Variants in TCP11L1 observed in about 807,000 individuals in gnomAD.
TCP11L1 encodes T-complex protein 11-like protein 1.
A neutral mutation model predicts 48.9 loss-of-function variants in TCP11L1; 28 were observed. The observed-to-expected ratio is 0.57, with a 90% CI of 0.42 to 0.78. The LOEUF is 0.78. Ranked by LOEUF, TCP11L1 falls within the 30% of genes least tolerant of loss-of-function variation. The probability of loss-of-function intolerance (pLI) is 0.00; values close to 1 mark genes in which losing one functional copy is unlikely to be tolerated. For synonymous variants in TCP11L1, 204 were observed against 231.9 expected (o/e 0.88, Z 1.09); for missense variants, 505 against 613.4 (o/e 0.82, Z 1.87).
intron 2 of TCP11L1, among the ~76,000 whole-genome samples, chr11:33,046,330 G>A (rs534012718): frequency 2.0e-5 from 3 of 152,380 alleles, no homozygotes; most frequent in Admixed American, 6.5e-5. Context: ...TTCTTTGGTT[G>A]ATGGCTTCGC....
Position 33,065,832 on chromosome 11 carries a change from A to T in TCP11L1, c.975A>T (p.Thr325=). ...ATGGCCTCTTCTATTCATTACAGAC[A>T]GTTTTAATGGACCAGTCTCGCTTCC... The part of the protein sequence containing the change: ...WDHLQRPFPE[T]VLMDQSRFHE... The change falls in exon 8 of 10, where the codon ACA becomes ACT. Residue 325 remains threonine, a splice_region_variant and synonymous_variant. Coordinates refer to ENST00000334274, the MANE Select transcript of TCP11L1 (RefSeq NM_018393.4). The T allele has an allele frequency of 6.2e-7, 1 of 1,613,612 alleles. No homozygotes were observed. The highest frequency in any genetic ancestry group is 8.5e-7 in the Non-Finnish European group (1 of 1,179,676).
chr11:33,041,522 G>A (rs1034624541), intron 1 of TCP11L1, among the ~76,000 whole-genome samples: 3 of 152,006 alleles, frequency 2.0e-5, no homozygotes, highest in South Asian at 2.1e-4. Context: ...AGGCTGAGGC[G>A]GGCGGATCAC....
chr11:33,043,849 G>C lies in TCP11L1; in HGVS notation c.76G>C (p.Glu26Gln). 2 of 1,613,984 alleles carry C rather than the reference G, an allele frequency of 1.2e-6. No homozygotes were observed. Among genetic ancestry groups the C allele is most frequent in the Non-Finnish European group, 1.7e-6 (2 of 1,179,942 alleles). The change falls in exon 2 of 10, where the codon GAA (glutamate) becomes CAA (glutamine). Residue 26 changes from glutamate (E) to glutamine (Q), a missense_variant. By Grantham distance (29) the Glu-to-Gln change is conservative. Around this residue, in one of 3 missense-constraint regions of TCP11L1, gnomAD observed 168 missense variants for 183.5 expected, o/e 0.92. Coordinates refer to ENST00000334274, the MANE Select transcript of TCP11L1 (RefSeq NM_018393.4). The part of the protein sequence containing the change: ...SKSNDSEEGL[E>Q]DAVEGADEAL... ...ATCCAATGATTCTGAGGAAGGCCTC[G>C]AAGATGCTGTGGAAGGTGCTGATGA...
At chr11:33,055,093 ACT>A (rs1854272709) in intron 3 of TCP11L1, among the ~76,000 whole-genome samples, 1 of 152,134 alleles carries the variant, frequency 6.6e-6, no homozygotes, top group African/African-American at 2.4e-5. Context: ...TGAATCAAAA[ACT>A]CTATTGGTTG....
intron 6 of TCP11L1, among the ~76,000 whole-genome samples, 197 bp from the exon 7 acceptor site, chr11:33,061,333 C>T (rs1854459894): frequency 6.6e-6 from 1 of 152,178 alleles, no homozygotes; most frequent in South Asian, 2.1e-4. Flanking sequence ...GCATCTGAAA[C>T]TCAGACACAT....
chr11:33,047,794 C>A (rs569493580), intron 2 of TCP11L1, among the ~76,000 whole-genome samples: 1 of 152,312 alleles, frequency 6.6e-6, no homozygotes, highest in South Asian at 2.1e-4. Context: ...AATTAACAAG[C>A]AGTTTCCAAC....
intron 1 of TCP11L1, among the ~76,000 whole-genome samples, chr11:33,042,939 G>T (rs571870815): frequency 8.5e-4 from 129 of 152,300 alleles, no homozygotes; most frequent in African/African-American, 3.0e-3. Flanking sequence ...GGTGGTGGGC[G>T]CCTATAATCC....
At chr11:33,059,841 G>T (rs142546115) in intron 6 of TCP11L1, among the ~76,000 whole-genome samples, 1 of 152,168 alleles carries the variant, frequency 6.6e-6, no homozygotes, top group Admixed American at 6.5e-5. Context: ...TGCTGGGGCC[G>T]GGGCAGGTTG....
chr11:33,054,690 C>CT lies in TCP11L1; in HGVS notation c.264dup (p.Gln89SerfsTer3). The CT allele has an allele frequency of 6.2e-7, 1 of 1,613,908 alleles. No individual in the cohort carries two copies. Among genetic ancestry groups the CT allele is most frequent in the Non-Finnish European group, 8.5e-7 (1 of 1,179,902 alleles). ...CCCATGAAATTGTAGTAAATGGAGA[C>CT]TTTCAGATTAAACCAGTTGAATTAC... On this transcript the variant is annotated frameshift_variant, in exon 3 of 10. Coordinates refer to ENST00000334274, the MANE Select transcript of TCP11L1 (RefSeq NM_018393.4). LOFTEE classifies it high-confidence loss of function.
chr11:33,072,133 C>T (rs1381175568), intron 9 of TCP11L1, among the ~76,000 whole-genome samples: 1 of 152,016 alleles, frequency 6.6e-6, no homozygotes, highest in African/African-American at 2.4e-5. Flanking sequence ...CGTGAGCCAC[C>T]GCGCCTGGCC....
At chr11:33,069,890 G>A (rs749100910) in intron 9 of TCP11L1, among the ~76,000 whole-genome samples, 2 of 152,144 alleles carry the variant, frequency 1.3e-5, no homozygotes, top group Admixed American at 6.5e-5. Flanking sequence ...TAACAGGCAC[G>A]AACCACTGCA....
rs536213370 is a variant in TCP11L1, at chr11:33,049,877, G to A, written c.164-4716G>A. 2.0e-5 allele frequency among the ~76,000 whole-genome samples: 3 copies of A among 152,250 alleles called. No homozygotes were observed. In the South Asian group the frequency reaches 6.2e-4, roughly 32 times the overall value. ...CAGACCCTTTACAGGTGTTGGGCTG[G>A]GGGATGATCAGGTCTTTCCCTTCCC... On this transcript the variant is annotated intron_variant, in intron 2 of 9. Coordinates refer to ENST00000334274, the MANE Select transcript of TCP11L1 (RefSeq NM_018393.4).
rs1854838472 is a variant in TCP11L1, at chr11:33,072,907, T to G, written c.*231T>G. 5 of 546,972 alleles carry G rather than the reference T, an allele frequency of 9.1e-6. 1 individual carries two copies. In the South Asian group the frequency reaches 1.0e-4, roughly 11 times the overall value. 33.9% of individuals were successfully genotyped at this position (546,972 alleles called of 1,614,324 possible). On this transcript the variant is annotated 3_prime_UTR_variant, in exon 10 of 10. Coordinates refer to ENST00000334274, the MANE Select transcript of TCP11L1 (RefSeq NM_018393.4). ...AAGTTTACAAATCAAAGAAGCATTT[T>G]GTTCTCGAGTTTTACAGGTAACACT...
chr11:33,050,551 C>T (rs1854128883), intron 2 of TCP11L1, among the ~76,000 whole-genome samples: 1 of 152,114 alleles, frequency 6.6e-6, no homozygotes, highest in African/African-American at 2.4e-5. Flanking sequence ...ACTGGGTGTG[C>T]ACCTATAGTC....
chr11:33,042,158 T>C (rs1853854444), intron 1 of TCP11L1, among the ~76,000 whole-genome samples: 1 of 152,024 alleles, frequency 6.6e-6, no homozygotes, highest in African/African-American at 2.4e-5. Context: ...TTAGACAGAG[T>C]CTCAGTCTGT....
At chr11:33,068,461 C>G (rs1854682442) in intron 8 of TCP11L1, among the ~76,000 whole-genome samples, 1 of 152,056 alleles carries the variant, frequency 6.6e-6, no homozygotes, top group Non-Finnish European at 1.5e-5. Context: ...ATACTCTGAG[C>G]CCCTGCCCTT....
intron 7 of TCP11L1, among the ~76,000 whole-genome samples, chr11:33,065,515 G>A (rs1294204668): frequency 6.6e-6 from 1 of 152,156 alleles, no homozygotes; most frequent in Non-Finnish European, 1.5e-5. Context: ...TGCCCACCTC[G>A]GCCTCCCAAA....
At chr11:33,041,705 G>A (rs764332924) in intron 1 of TCP11L1, among the ~76,000 whole-genome samples, 4 of 151,834 alleles carry the variant, frequency 2.6e-5, no homozygotes, top group African/African-American at 4.8e-5. Flanking sequence ...GAGCTGAGCC[G>A]AGATGGTGCC....
chr11:33,061,292 G>A (rs1213144196), intron 6 of TCP11L1, among the ~76,000 whole-genome samples: 1 of 152,178 alleles, frequency 6.6e-6, no homozygotes, highest in Non-Finnish European at 1.5e-5. Context: ...AACAGCCTGT[G>A]AGGTGGGTGT....
Sources: gnomAD v4.1 joint callset for allele counts (sites outside exome capture counted in the v4.1 genomes callset) on GRCh38, gnomAD v4.1.1 for gene constraint, gnomAD v4.1.1 regional missense constraint, MANE v1.5 for transcripts, NCBI Gene and HGNC (gene_info 2026-07-23, HGNC 2026-07-21) for gene names.